Variants in DRD1 observed in about 807,000 individuals in gnomAD.
DRD1 encodes D(1A) dopamine receptor.
In DRD1, 2 loss-of-function variants were observed where a neutral mutation model predicts 23.8. The ratio of observed to expected loss-of-function variants is 0.08; its 90% CI spans 0.03 to 0.26. The LOEUF is 0.26. Among genes scored for constraint, DRD1 ranks in the 10% least tolerant of loss-of-function variants. The pLI is 1.00. For missense variants in DRD1, 376 were observed against 559.0 expected, an observed-to-expected ratio of 0.67 and a Z score of 3.30; for synonymous variants, 218 against 225.7, an observed-to-expected ratio of 0.97 and a Z score of 0.30.
At position 175,443,037 on chromosome 5, in the gene DRD1, A is replaced by C. The variant is rs145032403; in HGVS notation, c.63T>G (p.Ser21=). The C allele has an allele frequency of 1.2e-6, 2 of 1,614,094 alleles. No individual in the cohort carries two copies. The highest frequency in any genetic ancestry group is 2.7e-5 in the African/African-American group (2 of 74,942). The part of the protein sequence containing the change: ...GTGLVVERDF[S]VRILTACFLS... ...GGAAACAGGCAGTGAGGATACGAAC[A>C]GAGAAGTCCCTCTCCACCACCAGCC... The change falls in exon 2 of 2, where the codon TCT becomes TCG. Residue 21 remains serine (S), a synonymous_variant. Coordinates refer to ENST00000393752, the MANE Select transcript of DRD1 (RefSeq NM_000794.5).
chr5:175,442,058 A>G lies in DRD1; in HGVS notation c.1042T>C (p.Tyr348His), dbSNP rs771065562. The G allele has an allele frequency of 1.2e-6, 2 of 1,614,168 alleles. No individual in the cohort carries two copies. Among genetic ancestry groups the G allele is most frequent in the East Asian group, 4.5e-5 (2 of 44,872 alleles). The change falls in exon 2 of 2, where the codon TAC (tyrosine) becomes CAC (histidine). Residue 348 changes from tyrosine to histidine, a missense_variant. Tyr to His is a moderately conservative substitution (Grantham distance 83, BLOSUM62 2). Coordinates refer to ENST00000393752, the MANE Select transcript of DRD1 (RefSeq NM_000794.5). The surrounding 1 kb of genome is among the most constrained non-coding windows in gnomAD (Gnocchi z 7.3). Reference protein sequence around the residue: ...RKAFSTLLGCYRLCPATNNAI... With the variant: ...RKAFSTLLGCHRLCPATNNAI... Reference sequence around the variant, plus strand: ...TTATTCGTCGCAGGGCAAAGTCTGTAGCATCCTAAGAGGGTTGAAAATGCC... The same window carrying G: ...TTATTCGTCGCAGGGCAAAGTCTGTGGCATCCTAAGAGGGTTGAAAATGCC...
chr5:175,442,055 T>C lies in DRD1; in HGVS notation c.1045A>G (p.Arg349Gly), dbSNP rs780868574. The part of the protein sequence containing the change: ...KAFSTLLGCY[R>G]LCPATNNAIE... ...GCATTATTCGTCGCAGGGCAAAGTCTGTAGCATCCTAAGAGGGTTGAAAAT... is the reference window on the plus strand; with the variant it reads ...GCATTATTCGTCGCAGGGCAAAGTCCGTAGCATCCTAAGAGGGTTGAAAAT... The change falls in exon 2 of 2, where the codon AGA becomes GGA. Residue 349 changes from arginine to glycine, a missense_variant. Coordinates refer to ENST00000393752, the MANE Select transcript of DRD1 (RefSeq NM_000794.5). This position sits in a 1 kb window ranked among gnomAD's most constrained non-coding sequence, Gnocchi z 7.3. The C allele has an allele frequency of 2.5e-6, 4 of 1,614,174 alleles. No homozygotes were observed. The South Asian group carries it at 4.4e-5, about 18-fold the overall frequency.
In DRD1 at chr5:175,442,350, A is replaced by G. The variant is rs754908065; in HGVS notation, c.750T>C (p.Pro250=). The G allele has an allele frequency of 5.6e-6, 9 of 1,614,134 alleles. No homozygotes were observed. The East Asian group carries it at 2.0e-4, about 36-fold the overall frequency. ...NCQTTTGNGK[P]VECSQPESSF... ...AACTTTCCGGTTGAGAACATTCGAC[A>G]GGCTTTCCATTACCTGTGGTGGTCT... is the stretch of plus-strand genomic sequence containing the variant. The change falls in exon 2 of 2, where the codon CCT becomes CCC. Residue 250 remains proline, a synonymous_variant. Coordinates refer to ENST00000393752, the MANE Select transcript of DRD1 (RefSeq NM_000794.5). The surrounding 1 kb of genome is among the most constrained non-coding windows in gnomAD (Gnocchi z 7.3).
At position 175,441,502 on chromosome 5, in the gene DRD1, T is replaced by C. The variant is rs911567136; in HGVS notation, c.*257A>G. On this transcript the variant is annotated 3_prime_UTR_variant, in exon 2 of 2. Transcript: ENST00000393752. The stretch of plus-strand genomic sequence containing the variant: ...AAATCCTAAGATAAGAATAAATTTC[T>C]AAAAACAATTCTGAAGCCAAAGACA... 2.7e-6 allele frequency: 1 copy of C among 374,758 alleles called. No individual in the cohort carries two copies. The allele number at this position is 374,758 out of a possible 1,614,324, so 23.2% of individuals were successfully genotyped here. A position where few individuals can be genotyped will look rare whatever the true frequency, so the allele number is the denominator to read the frequency against.
chr5:175,441,547 T>G lies in DRD1; in HGVS notation c.*212A>C. On this transcript the variant is annotated 3_prime_UTR_variant, in exon 2 of 2. Transcript: ENST00000393752. The stretch of plus-strand genomic sequence containing the variant: ...AAGACATGTCCCTTATGGCTCCCCA[T>G]GTTTGTAGTGTCCCTGTTTGATTGA... 1 of 500,480 alleles carries G rather than the reference T, an allele frequency of 2.0e-6. No homozygotes were observed. The highest frequency in any genetic ancestry group is 1.9e-5 in the African/African-American group (1 of 52,206). The allele number at this position is 500,480 out of a possible 1,614,324, so 31.0% of individuals were successfully genotyped here.
rs931417969 is a variant in DRD1 at position 175,441,707 on chromosome 5, A to G, written c.*52T>C. The G allele has an allele frequency of 7.9e-6, 12 of 1,512,764 alleles. No individual in the cohort carries two copies. The African/African-American group carries it at 1.5e-4, about 19-fold the overall frequency. The allele number at this position is 1,512,764 out of a possible 1,614,324, so 93.7% of individuals were successfully genotyped here. A position where few individuals can be genotyped will look rare whatever the true frequency, so the allele number is the denominator to read the frequency against. On this transcript the variant is annotated 3_prime_UTR_variant, in exon 2 of 2. Transcript: ENST00000393752. The stretch of plus-strand genomic sequence containing the variant: ...GTTTCTTAATAGCAAGCCCCAGAGC[A>G]ATCTCCTCTAGCTTTTGGGATGAGC...
At position 175,443,206 on chromosome 5, in the gene DRD1, G is replaced by A; in HGVS notation, c.-107C>T. 1 of 1,457,676 alleles carries A rather than the reference G, an allele frequency of 6.9e-7. No homozygotes were observed. The highest frequency in any genetic ancestry group is 1.4e-5 in the African/African-American group (1 of 70,780). The allele number at this position is 1,457,676 out of a possible 1,614,324, so 90.3% of individuals were successfully genotyped here. A position where few individuals can be genotyped will look rare whatever the true frequency, so the allele number is the denominator to read the frequency against. ...AGTCCTCCCCACCAGGCAGCACTTTGCACAGCCAGATTGCTTCCCTGGCAG... is the reference window on the plus strand; with the variant it reads ...AGTCCTCCCCACCAGGCAGCACTTTACACAGCCAGATTGCTTCCCTGGCAG... On this transcript the variant is annotated 5_prime_UTR_variant, in exon 2 of 2. Transcript: ENST00000393752.
chr5:175,442,722 G>A lies in DRD1; in HGVS notation c.378C>T (p.Ser126=), dbSNP rs752886523. 1.2e-6 allele frequency: 2 copies of A among 1,614,162 alleles called. No individual in the cohort carries two copies. The highest frequency in any genetic ancestry group is 1.3e-5 in the African/African-American group (1 of 75,030). The part of the protein sequence containing the change: ...VISVDRYWAI[S]SPFRYERKMT... ...TCTTTCTCTCATACCGGAAAGGGCTGGAGATAGCCCAATACCTGTCCACGC... is the reference window on the plus strand; with the variant it reads ...TCTTTCTCTCATACCGGAAAGGGCTAGAGATAGCCCAATACCTGTCCACGC... The change falls in exon 2 of 2, where the codon TCC becomes TCT. Residue 126 remains serine (S), a synonymous_variant. Transcript: ENST00000393752. The surrounding 1 kb of genome is among the most constrained non-coding windows in gnomAD (Gnocchi z 7.3).
In DRD1 at chr5:175,442,991, T is replaced by C; in HGVS notation, c.109A>G (p.Thr37Ala). Residue 37 changes from threonine to alanine, a missense_variant, in exon 2 of 2, where the codon ACG (threonine) becomes GCG (alanine). Coordinates refer to ENST00000393752, the MANE Select transcript of DRD1 (RefSeq NM_000794.5). The surrounding 1 kb of genome is among the most constrained non-coding windows in gnomAD (Gnocchi z 7.3). Reference sequence around the variant, plus strand: ...CAGACCAGCGTGTTCCCCAGGAGCGTGGACAGGATGAGCAGCGACAGGAAA... The same window carrying C: ...CAGACCAGCGTGTTCCCCAGGAGCGCGGACAGGATGAGCAGCGACAGGAAA... ...ACFLSLLILS[T>A]LLGNTLVCAA... 2 of 1,613,864 alleles carry C rather than the reference T, an allele frequency of 1.2e-6. No homozygotes were observed. The highest frequency in any genetic ancestry group is 1.7e-6 in the Non-Finnish European group (2 of 1,180,008).
At position 175,440,432 on chromosome 5, in the gene DRD1, T is replaced by A. The variant is rs1758501947; in HGVS notation, c.*1327A>T. On this transcript the variant is annotated 3_prime_UTR_variant, in exon 2 of 2. Coordinates refer to ENST00000393752, the MANE Select transcript of DRD1 (RefSeq NM_000794.5). ...TCTGTTTCTCCCATCAACAGAAGTA[T>A]CTGACTCAAGAATGATAATGAGGCA... 3.3e-5 allele frequency: 5 copies of A among 152,276 alleles called. No individual in the cohort carries two copies. Among genetic ancestry groups the A allele is most frequent in the Non-Finnish European group, 7.4e-5 (5 of 68,024 alleles). The allele number at this position is 152,276 out of a possible 1,614,324, so 9.4% of individuals were successfully genotyped here. A position where few individuals can be genotyped will look rare whatever the true frequency, so the allele number is the denominator to read the frequency against.
chr5:175,442,264 C>A lies in DRD1; in HGVS notation c.836G>T (p.Gly279Val), dbSNP rs1758536719. The A allele has an allele frequency of 6.2e-7, 1 of 1,614,002 alleles. No homozygotes were observed. The highest frequency in any genetic ancestry group is 1.3e-5 in the African/African-American group (1 of 74,926). The change falls in exon 2 of 2, where the codon GGT (glycine) becomes GTT (valine). Residue 279 changes from glycine (G) to valine (V), a missense_variant. Physicochemically the swap from Gly to Val is moderately radical, Grantham distance 109. Transcript: ENST00000393752. This position sits in a 1 kb window ranked among gnomAD's most constrained non-coding sequence, Gnocchi z 7.3. Reference protein sequence around the residue: ...KVLKTLSVIMGVFVCCWLPFF... With the variant: ...KVLKTLSVIMVVFVCCWLPFF... ...AGGTAGCCAACAGCACACAAACACACCCATGATCACCGACAGAGTCTTCAG... is the reference window on the plus strand; with the variant it reads ...AGGTAGCCAACAGCACACAAACACAACCATGATCACCGACAGAGTCTTCAG...
At position 175,440,781 on chromosome 5, in the gene DRD1, A is replaced by C. The variant is rs768411676; in HGVS notation, c.*978T>G. 1 of 152,688 alleles carries C rather than the reference A, an allele frequency of 6.5e-6. No individual in the cohort carries two copies. Among genetic ancestry groups the C allele is most frequent in the Non-Finnish European group, 1.5e-5 (1 of 68,056 alleles). 9.5% of individuals were successfully genotyped at this position (152,688 alleles called of 1,614,324 possible). ...CATTACCACCTAAGATCGTAAATTTAATGCTGGGCTCTTCTTAAGTTGGCT... is the reference window on the plus strand; with the variant it reads ...CATTACCACCTAAGATCGTAAATTTCATGCTGGGCTCTTCTTAAGTTGGCT... On this transcript the variant is annotated 3_prime_UTR_variant, in exon 2 of 2. Transcript: ENST00000393752.
Position 175,442,573 on chromosome 5 carries a change from G to A in DRD1, c.527C>T (p.Ala176Val). The A allele has an allele frequency of 2.5e-6, 4 of 1,614,174 alleles. No individual in the cohort carries two copies. The highest frequency in any genetic ancestry group is 3.4e-6 in the Non-Finnish European group (4 of 1,180,032). The change falls in exon 2 of 2, where the codon GCC becomes GTC. Residue 176 changes from alanine to valine, a missense_variant. Ala to Val is a moderately conservative substitution (Grantham distance 64, BLOSUM62 0). Coordinates refer to ENST00000393752, the MANE Select transcript of DRD1 (RefSeq NM_000794.5). This position sits in a 1 kb window ranked among gnomAD's most constrained non-coding sequence, Gnocchi z 7.3. ...AKPTSPSDGN[A>V]TSLAETIDNC... is the part of the protein sequence containing the mutation. The stretch of plus-strand genomic sequence containing the variant: ...GTCTATGGTCTCAGCCAGGGAAGTG[G>A]CATTTCCATCAGAGGGGCTTGTGGG...
At position 175,441,884 on chromosome 5, in the gene DRD1, C is replaced by T. The variant is rs1463389742; in HGVS notation, c.1216G>A (p.Ala406Thr). 9 of 1,614,146 alleles carry T rather than the reference C, an allele frequency of 5.6e-6. No individual in the cohort carries two copies. Among genetic ancestry groups the T allele is most frequent in the Non-Finnish European group, 7.6e-6 (9 of 1,180,034 alleles). ...GSSEDLKKEE[A>T]AGIARPLEKL... ...TCCAAGGGTCTGGCGATGCCAGCTG[C>T]CTCCTCCTTTTTCAGGTCCTCAGAG... The change falls in exon 2 of 2, where the codon GCA becomes ACA. Residue 406 changes from alanine to threonine, a missense_variant. By Grantham distance (58) the Ala-to-Thr change is moderately conservative (BLOSUM62 0). Coordinates refer to ENST00000393752, the MANE Select transcript of DRD1 (RefSeq NM_000794.5).
At position 175,441,886 on chromosome 5, in the gene DRD1, T is replaced by C. The variant is rs773263928; in HGVS notation, c.1214A>G (p.Glu405Gly). 14 of 1,614,098 alleles carry C rather than the reference T, an allele frequency of 8.7e-6. No homozygotes were observed. Among genetic ancestry groups the C allele is most frequent in the Non-Finnish European group, 1.2e-5 (14 of 1,180,016 alleles). Residue 405 changes from glutamate to glycine, a missense_variant, in exon 2 of 2, where the codon GAG (glutamate) becomes GGG (glycine). Coordinates refer to ENST00000393752, the MANE Select transcript of DRD1 (RefSeq NM_000794.5). ...VGSSEDLKKE[E>G]AAGIARPLEK... ...CAAGGGTCTGGCGATGCCAGCTGCC[T>C]CCTCCTTTTTCAGGTCCTCAGAGGA...
At position 175,443,461 on chromosome 5, in the gene DRD1, C is replaced by A; in HGVS notation, c.-362G>T. ...CTCTGCTCTGCTAGTCAGTTGCAATCACATTTCGGGGCTGTTGCTTTTCTG... is the reference window on the plus strand; with the variant it reads ...CTCTGCTCTGCTAGTCAGTTGCAATAACATTTCGGGGCTGTTGCTTTTCTG... On this transcript the variant is annotated 5_prime_UTR_variant, in exon 2 of 2. It removes the in-frame stop codon of an upstream open reading frame in the 5' UTR. Coordinates refer to ENST00000393752, the MANE Select transcript of DRD1 (RefSeq NM_000794.5). 1 of 243,080 alleles carries A rather than the reference C, an allele frequency of 4.1e-6. No individual in the cohort carries two copies. The highest frequency in any genetic ancestry group is 8.7e-6 in the Non-Finnish European group (1 of 115,424). 15.1% of individuals were successfully genotyped at this position (243,080 alleles called of 1,614,324 possible). A position where few individuals can be genotyped will look rare whatever the true frequency, so the allele number is the denominator to read the frequency against.
chr5:175,443,568 CA>C lies in DRD1; in HGVS notation c.-470del, dbSNP rs1422263546. On this transcript the variant is annotated 5_prime_UTR_variant, in exon 2 of 2. Transcript: ENST00000393752. Reference sequence around the variant, plus strand: ...CTCCTCCAAGCCCCTGGCTCCTCAGCAGCTCTCCAAACGCCTTAAAAAGCAA... The same window carrying C: ...CTCCTCCAAGCCCCTGGCTCCTCAGCGCTCTCCAAACGCCTTAAAAAGCAA... 1.1e-5 allele frequency: 2 copies of C among 181,618 alleles called. No individual in the cohort carries two copies. The highest frequency in any genetic ancestry group is 2.6e-5 in the Non-Finnish European group (2 of 76,484). 11.3% of individuals were successfully genotyped at this position (181,618 alleles called of 1,614,324 possible). A position where few individuals can be genotyped will look rare whatever the true frequency, so the allele number is the denominator to read the frequency against.
In DRD1 at chr5:175,441,755, G is replaced by A. The variant is rs375177269; in HGVS notation, c.*4C>T. The A allele has an allele frequency of 1.4e-4, 215 of 1,556,640 alleles. No individual in the cohort carries two copies. The highest frequency in any genetic ancestry group is 3.3e-4 in the African/African-American group (24 of 73,142). On this transcript the variant is annotated 3_prime_UTR_variant, in exon 2 of 2. Coordinates refer to ENST00000393752, the MANE Select transcript of DRD1 (RefSeq NM_000794.5). The stretch of plus-strand genomic sequence containing the variant: ...AGCATGTGTGGCAGGATTCATCTGC[G>A]AGTTCAGGTTGGGTGCTGACCGTTT...
chr5:175,443,636 C>A (rs914430370), intron 1 of DRD1, 54 bp from the exon 2 acceptor site: 2 of 163,062 alleles, frequency 1.2e-5, no homozygotes, highest in African/African-American at 4.8e-5. Flanking sequence ...AAGCAGATGG[C>A]ATCATTACTC....
Sources: gnomAD v4.1 joint callset for allele counts on GRCh38, gnomAD v4.1.1 for gene constraint, Gnocchi (gnomAD v3.1) non-coding constraint, MANE v1.5 for transcripts, NCBI Gene and HGNC (gene_info 2026-07-23, HGNC 2026-07-21) for gene names.